The following RSU1 variants were observed in gnomAD, a reference collection of about 807,000 sequenced individuals.
RSU1 encodes Ras suppressor protein 1, also known as rsu-1.
RSU1 carries 26 observed loss-of-function variants against 31.1 expected under a neutral mutation model. The observed-to-expected ratio is 0.84, with a 90% CI of 0.61 to 1.16. The LOEUF is 1.16. RSU1 is among the 50% of genes most tolerant of loss of function. The pLI is 0.00. For missense variants in RSU1, 320 were observed against 339.1 expected (o/e 0.94, Z 0.44); for synonymous variants, 164 against 136.3 (o/e 1.20, Z -1.41).
chr10:16,692,163 A>G (rs927386474), intron 8 of RSU1, among the ~76,000 whole-genome samples: 5 of 152,156 alleles, frequency 3.3e-5, no homozygotes, highest in African/African-American at 9.7e-5. Flanking sequence ...GACTACGCCA[A>G]CCCCCCAAAA....
intron 2 of RSU1, among the ~76,000 whole-genome samples, chr10:16,793,402 A>G (rs148118560): frequency 1.3e-5 from 2 of 152,310 alleles, no homozygotes; most frequent in Non-Finnish European, 2.9e-5. Flanking sequence ...ACATAATAGC[A>G]GCAAATTCAC....
At chr10:16,795,096 G>C (rs369907420) in intron 2 of RSU1, among the ~76,000 whole-genome samples, 1 of 152,338 alleles carries the variant, frequency 6.6e-6, no homozygotes, top group African/African-American at 2.4e-5. Flanking sequence ...GCTCATGCCT[G>C]TATTTCCAGC....
intron 8 of RSU1, among the ~76,000 whole-genome samples, chr10:16,673,092 G>A (rs969858602): frequency 2.0e-5 from 3 of 152,172 alleles, no homozygotes; most frequent in Non-Finnish European, 4.4e-5. Context: ...CTCATTAAAA[G>A]GCACTTCATA....
chr10:16,728,336 A>C (rs1836437704), intron 7 of RSU1, among the ~76,000 whole-genome samples: 1 of 152,198 alleles, frequency 6.6e-6, no homozygotes. Flanking sequence ...AGAGCAAAAT[A>C]AACTTCATTT....
At chr10:16,624,159 C>T (rs747006776) in intron 8 of RSU1, among the ~76,000 whole-genome samples, 1 of 152,110 alleles carries the variant, frequency 6.6e-6, no homozygotes, top group Non-Finnish European at 1.5e-5. Context: ...CACTTCCCCG[C>T]CCTCTAGCTC....
chr10:16,595,721 A>C (rs1833599495), intron 8 of RSU1, among the ~76,000 whole-genome samples: 1 of 152,098 alleles, frequency 6.6e-6, no homozygotes, highest in Non-Finnish European at 1.5e-5. Flanking sequence ...AGAGAATCTG[A>C]ACTTCGGGAG....
intron 2 of RSU1, among the ~76,000 whole-genome samples, chr10:16,797,973 T>A (rs569286511): frequency 8.2e-4 from 124 of 150,768 alleles, no homozygotes; most frequent in African/African-American, 2.8e-3. Flanking sequence ...GGGATTCTCC[T>A]GCCTCAGCCT....
At chr10:16,732,756 A>G (rs7921941) in intron 7 of RSU1, among the ~76,000 whole-genome samples, 17,907 of 152,204 alleles carry the variant, frequency 0.12, 2,606 homozygotes, top group African/African-American at 0.35. Context: ...CTATTCTTCA[A>G]GTTTCACTAG....
Position 16,691,526 on chromosome 10 carries a change from G to C in RSU1, c.731+3497C>G, listed in dbSNP as rs1057310721. Reference sequence around the variant, plus strand: ...GGACAAAAAAACTGAAATACACAAAGTAACCAACCTTCTTCTCCTTCCCAA... The same window carrying C: ...GGACAAAAAAACTGAAATACACAAACTAACCAACCTTCTTCTCCTTCCCAA... On this transcript the variant is annotated intron_variant, in intron 8 of 8. Transcript: ENST00000345264. Among the ~76,000 whole-genome samples the C allele has an allele frequency of 1.8e-4, 28 of 152,000 alleles. 1 individual carries two copies. The highest frequency in any genetic ancestry group is 1.5e-3 in the South Asian group (7 of 4,822).
chr10:16,624,024 C>G (rs928867673), intron 8 of RSU1, among the ~76,000 whole-genome samples: 2 of 152,032 alleles, frequency 1.3e-5, no homozygotes, highest in Non-Finnish European at 2.9e-5. Flanking sequence ...AGTCTAAGGG[C>G]TCACATTCAG....
chr10:16,633,293 C>T (rs1307529688), intron 8 of RSU1, among the ~76,000 whole-genome samples: 1 of 152,096 alleles, frequency 6.6e-6, no homozygotes. Context: ...CTATGGAGAG[C>T]ATCAGCCGAA....
At chr10:16,670,659 A>G (rs1048228607) in intron 8 of RSU1, among the ~76,000 whole-genome samples, 1 of 152,176 alleles carries the variant, frequency 6.6e-6, no homozygotes, top group Non-Finnish European at 1.5e-5. Flanking sequence ...CCAAAACCTC[A>G]AATTTAGTGC....
At chr10:16,666,477 T>C (rs1345206004) in intron 8 of RSU1, among the ~76,000 whole-genome samples, 1 of 152,200 alleles carries the variant, frequency 6.6e-6, no homozygotes, top group African/African-American at 2.4e-5. Flanking sequence ...CTTGAGATGC[T>C]GGTTCAGAGA....
chr10:16,718,206 C>G (rs1836182913), intron 7 of RSU1, among the ~76,000 whole-genome samples: 1 of 151,912 alleles, frequency 6.6e-6, no homozygotes, highest in Non-Finnish European at 1.5e-5. Flanking sequence ...CTGGTTTACA[C>G]AGCATTTTCC....
In RSU1 at chr10:16,801,485, G is replaced by A. The variant is rs1838154794; in HGVS notation, c.109+15488C>T. Among the ~76,000 whole-genome samples the A allele has an allele frequency of 2.0e-5, 3 of 152,240 alleles. No homozygotes were observed. In the South Asian group the frequency reaches 6.2e-4, roughly 32 times the overall value. On this transcript the variant is annotated intron_variant, in intron 2 of 8. Coordinates refer to ENST00000345264, the MANE Select transcript of RSU1 (RefSeq NM_012425.4). Reference sequence around the variant, plus strand: ...ACTCTATCAGTAATTGACAGATCCAGCAGGCAGAAAATCAGTAAGGACAGA... The same window carrying A: ...ACTCTATCAGTAATTGACAGATCCAACAGGCAGAAAATCAGTAAGGACAGA...
chr10:16,694,778 T>C (rs1346161381), intron 8 of RSU1, among the ~76,000 whole-genome samples: 65 of 152,010 alleles, frequency 4.3e-4, no homozygotes, highest in Non-Finnish European at 5.9e-5. Context: ...GGTCTTGCTA[T>C]GTTGCCCAGG....
At chr10:16,751,472 G>A (rs1411961887) in intron 7 of RSU1, among the ~76,000 whole-genome samples, 1 of 152,174 alleles carries the variant, frequency 6.6e-6, no homozygotes, top group East Asian at 1.9e-4. Context: ...GGTGCTGATA[G>A]GCGTGCTCTG....
chr10:16,668,335 G>A (rs1383317039), intron 8 of RSU1, among the ~76,000 whole-genome samples: 3 of 152,116 alleles, frequency 2.0e-5, no homozygotes, highest in African/African-American at 7.2e-5. Context: ...GCAGAACAGT[G>A]GAAATTAACT....
chr10:16,673,052 C>A (rs907819575), intron 8 of RSU1, among the ~76,000 whole-genome samples: 5 of 151,996 alleles, frequency 3.3e-5, no homozygotes, highest in Non-Finnish European at 7.4e-5. Context: ...TCTCCTAGGG[C>A]AAGCTTATTC....
Sources: allele counts gnomAD v4.1 joint callset (sites outside exome capture counted in the v4.1 genomes callset), GRCh38; gene constraint gnomAD v4.1.1; transcripts MANE v1.5; gene names NCBI Gene and HGNC (gene_info 2026-07-23, HGNC 2026-07-21).